PTPDC1: variants seen among roughly 807,000 people sequenced by gnomAD.
PTPDC1 encodes protein tyrosine phosphatase domain containing 1, also known as protein tyrosine phosphatase domain-containing protein 1.
Under a neutral mutation model 75.3 loss-of-function variants are expected in PTPDC1, and 53 were observed. That is an observed-to-expected ratio of 0.70 (90% confidence interval 0.56 to 0.88). The LOEUF is 0.88. Ranked by LOEUF, PTPDC1 falls within the 40% of genes least tolerant of loss-of-function variation. The pLI, the probability that PTPDC1 is intolerant of heterozygous loss-of-function variation, is 0.00. For missense variants in PTPDC1, 925 were observed against 998.6 expected (o/e 0.93, Z 0.99); for synonymous variants, 349 against 366.2 (o/e 0.95, Z 0.54).
At chr9:94,106,705 T>C (rs1158583208) in intron 8 of PTPDC1, among the ~76,000 whole-genome samples, 1 of 152,172 alleles carries the variant, frequency 6.6e-6, no homozygotes, top group Non-Finnish European at 1.5e-5. Flanking sequence ...TCAAAATTTA[T>C]CAGAGAGGGA....
chr9:94,098,339 T>C lies in PTPDC1; in HGVS notation c.1773T>C (p.Ser591=), dbSNP rs1440874009. The change falls in exon 6 of 9, where the codon TCT becomes TCC. Residue 591 remains serine, a synonymous_variant. Transcript: ENST00000620992. ...CKTHGVGSPG[S]VRQNSRTPRS... is the part of the protein sequence containing the mutation. ...CTCATGGTGTTGGGAGCCCTGGCTCTGTCAGGCAGAACAGCAGGACACCCC... is the reference window on the plus strand; with the variant it reads ...CTCATGGTGTTGGGAGCCCTGGCTCCGTCAGGCAGAACAGCAGGACACCCC... 1 of 1,614,204 alleles carries C rather than the reference T, an allele frequency of 6.2e-7. No individual in the cohort carries two copies. Among genetic ancestry groups the C allele is most frequent in the Non-Finnish European group, 8.5e-7 (1 of 1,180,026 alleles).
At position 94,085,307 on chromosome 9, in the gene PTPDC1, G is replaced by A; in HGVS notation, c.301G>A (p.Val101Ile). 6.2e-7 allele frequency: 1 copy of A among 1,614,214 alleles called. No individual in the cohort carries two copies. Among genetic ancestry groups the A allele is most frequent in the South Asian group, 1.1e-5 (1 of 91,084 alleles). ...AAAAGTAGGGGAGCGTTTACGGCAT[G>A]TCATTCCTGGACACATGGCATGTTC... ...YTKVGERLRH[V>I]IPGHMACSMA... is the part of the protein sequence containing the mutation. The change falls in exon 2 of 9, where the codon GTC becomes ATC. Residue 101 changes from valine to isoleucine, a missense_variant. Transcript: ENST00000620992.
At chr9:94,059,148 A>T (rs1426938189) in intron 1 of PTPDC1, among the ~76,000 whole-genome samples, 1 of 152,218 alleles carries the variant, frequency 6.6e-6, no homozygotes, top group East Asian at 1.9e-4. Flanking sequence ...AAAGCGTCAC[A>T]TAGTTTGGTG....
intron 1 of PTPDC1, among the ~76,000 whole-genome samples, chr9:94,046,655 T>C (rs1024823123): frequency 6.6e-6 from 1 of 152,228 alleles, no homozygotes; most frequent in Non-Finnish European, 1.5e-5. Context: ...TTATCTGTTA[T>C]TGGTGTTTAA....
chr9:94,095,859 A>G (rs1278241228), intron 5 of PTPDC1, among the ~76,000 whole-genome samples: 1 of 152,234 alleles, frequency 6.6e-6, no homozygotes, highest in Non-Finnish European at 1.5e-5. Flanking sequence ...AGGTAGTTAC[A>G]ATGACCGTAT....
chr9:94,090,766 T>C (rs1827285343), intron 4 of PTPDC1, among the ~76,000 whole-genome samples: 1 of 128,602 alleles, frequency 7.8e-6, no homozygotes, highest in African/African-American at 3.1e-5. Context: ...TGAGCAGTGG[T>C]TTGTAGTTCT....
intron 1 of PTPDC1, among the ~76,000 whole-genome samples, chr9:94,055,923 A>C (rs1825919038): frequency 6.6e-6 from 1 of 152,100 alleles, no homozygotes; most frequent in Non-Finnish European, 1.5e-5. Flanking sequence ...TTCTAAACCC[A>C]CAGAATGCAC....
chr9:94,039,151 A>C (rs1484088128), intron 1 of PTPDC1, among the ~76,000 whole-genome samples: 1 of 152,208 alleles, frequency 6.6e-6, no homozygotes, highest in African/African-American at 2.4e-5. Context: ...GAGAAGATAT[A>C]CACAAATTTT....
rs775130044 is a variant in PTPDC1 at position 94,085,334 on chromosome 9, ATGGCG to A, written c.331_335del (p.Ala111TrpfsTer3). 7.4e-6 allele frequency: 12 copies of A among 1,614,234 alleles called. No homozygotes were observed. Among genetic ancestry groups the A allele is most frequent in the Non-Finnish European group, 9.3e-6 (11 of 1,180,036 alleles). ...CATTCCTGGACACATGGCATGTTCC[ATGGCG>A]TGTGGCGGTAGAGCTTGCAAGTATG... On this transcript the variant is annotated frameshift_variant, in exon 2 of 9. Coordinates refer to ENST00000620992, the MANE Select transcript of PTPDC1 (RefSeq NM_001253829.2). LOFTEE classifies it high-confidence loss of function.
chr9:94,034,493 C>T (rs750344776), intron 1 of PTPDC1, among the ~76,000 whole-genome samples: 6 of 152,170 alleles, frequency 3.9e-5, no homozygotes, highest in Non-Finnish European at 8.8e-5. Context: ...GATCATGCCA[C>T]TGCACTCCAG....
At chr9:94,066,325 T>G (rs1327239446) in intron 2 of PTPDC1, among the ~76,000 whole-genome samples, 1 of 152,224 alleles carries the variant, frequency 6.6e-6, no homozygotes, top group Non-Finnish European at 1.5e-5. Flanking sequence ...TAACATCTGC[T>G]TTATAGCTAA....
intron 4 of PTPDC1, among the ~76,000 whole-genome samples, chr9:94,094,665 C>T (rs544856523): frequency 6.6e-6 from 1 of 152,346 alleles, no homozygotes; most frequent in Non-Finnish European, 1.5e-5. Flanking sequence ...GGCGGGCACC[C>T]CTCCCCCAGC....
chr9:94,054,372 A>G (rs1825871494), intron 1 of PTPDC1, among the ~76,000 whole-genome samples: 2 of 152,194 alleles, frequency 1.3e-5, no homozygotes, highest in Admixed American at 1.3e-4. Flanking sequence ...TACATTCTCA[A>G]GTCATCTTTA....
intron 5 of PTPDC1, among the ~76,000 whole-genome samples, chr9:94,096,732 A>G (rs1407621564): frequency 6.6e-6 from 1 of 152,216 alleles, no homozygotes; most frequent in Non-Finnish European, 1.5e-5. Context: ...ATATTAGTAT[A>G]GGCACAATCT....
At chr9:94,036,521 A>G (rs1825275399) in intron 1 of PTPDC1, among the ~76,000 whole-genome samples, 1 of 151,976 alleles carries the variant, frequency 6.6e-6, no homozygotes, top group African/African-American at 2.4e-5. Flanking sequence ...GTTTATTTAG[A>G]TTAATTTTTT....
intron 2 of PTPDC1, among the ~76,000 whole-genome samples, chr9:94,065,540 G>A (rs1826274851): frequency 6.6e-6 from 1 of 152,250 alleles, no homozygotes. Flanking sequence ...GAGTAAAGGA[G>A]TAAGGGTCTA....
intron 5 of PTPDC1, among the ~76,000 whole-genome samples, chr9:94,096,191 C>G (rs1468456431): frequency 6.6e-6 from 1 of 152,218 alleles, no homozygotes; most frequent in African/African-American, 2.4e-5. Context: ...CCACATGCAG[C>G]TCAGCTCTGT....
chr9:94,072,457 ACATAAAC>A (rs1826543152), intron 2 of PTPDC1, among the ~76,000 whole-genome samples: 1 of 152,120 alleles, frequency 6.6e-6, no homozygotes, highest in Non-Finnish European at 1.5e-5. Flanking sequence ...GGATTTTCTT[ACATAAAC>A]AATCATGTCT....
chr9:94,058,642 G>T (rs937348214), intron 1 of PTPDC1, among the ~76,000 whole-genome samples: 1 of 152,080 alleles, frequency 6.6e-6, no homozygotes, highest in African/African-American at 2.4e-5. Flanking sequence ...GGAGGGGGAA[G>T]TTGCAGTGAG....
Sources: allele counts gnomAD v4.1 joint callset (sites outside exome capture counted in the v4.1 genomes callset), GRCh38; gene constraint gnomAD v4.1.1; transcripts MANE v1.5; gene names NCBI Gene and HGNC (gene_info 2026-07-23, HGNC 2026-07-21).